The following PIN1 variants were observed in gnomAD, a reference collection of about 807,000 sequenced individuals.
The protein encoded by PIN1 is peptidylprolyl cis/trans isomerase, NIMA-interacting 1.
PIN1 carries 8 observed loss-of-function variants against 19.9 expected under a neutral mutation model. The observed-to-expected ratio is 0.40, with a 90% CI of 0.24 to 0.72. The LOEUF (loss-of-function observed/expected upper bound fraction) is 0.72, where lower values mean the gene tolerates loss of function less well. Ranked by LOEUF, PIN1 falls within the 30% of genes least tolerant of loss-of-function variation. The pLI is 0.37. For synonymous variants in PIN1, 86 were observed against 90.8 expected, an observed-to-expected ratio of 0.95 and a Z score of 0.30; for missense variants, 185 against 226.5, an observed-to-expected ratio of 0.82 and a Z score of 1.18.
chr19:9,847,635 C>T (rs2046232153), intron 2 of PIN1, among the ~76,000 whole-genome samples: 1 of 152,216 alleles, frequency 6.6e-6, no homozygotes, highest in Admixed American at 6.5e-5. Flanking sequence ...CAGCCTCTCC[C>T]TGCCTGCTGC....
chr19:9,846,282 C>T lies in PIN1; in HGVS notation c.272-1748C>T, dbSNP rs2046219437. Among the ~76,000 whole-genome samples, 1 of 151,988 alleles carries T rather than the reference C, an allele frequency of 6.6e-6. No individual in the cohort carries two copies. Among genetic ancestry groups the T allele is most frequent in the African/African-American group, 2.4e-5 (1 of 41,402 alleles). ...ACCAGGACACGTGGGCCGGCAGGGC[C>T]AAGGATAGGGAGAGCAGAGCAGTAG... On this transcript the variant is annotated intron_variant, in intron 2 of 3. Coordinates refer to ENST00000247970, the MANE Select transcript of PIN1 (RefSeq NM_006221.4). This position sits in a 1 kb window ranked among gnomAD's most constrained non-coding sequence, Gnocchi z 5.9.
At chr19:9,835,861 A>G (rs1196573991) in intron 1 of PIN1, 1 of 165,190 alleles carries the variant, frequency 6.1e-6, no homozygotes, top group African/African-American at 2.4e-5. Flanking sequence ...AGTCTGCGAC[A>G]TCGCCCGTGA....
rs1437336585 is a variant in PIN1 at position 9,838,753 on chromosome 19, T to A, written c.271+105T>A. 2 of 918,374 alleles carry A rather than the reference T, an allele frequency of 2.2e-6. No homozygotes were observed. Among genetic ancestry groups the A allele is most frequent in the Non-Finnish European group, 3.3e-6 (2 of 606,782 alleles). The allele number at this position is 918,374 out of a possible 1,614,324, so 56.9% of individuals were successfully genotyped here. A position where few individuals can be genotyped will look rare whatever the true frequency, so the allele number is the denominator to read the frequency against. ...CCCCAGCTTGCTCAGCTGCCAGGCG[T>A]GGTGTTGGCCAACACAAAAACGCCA... On this transcript the variant is annotated intron_variant, in intron 2 of 3. Coordinates refer to ENST00000247970, the MANE Select transcript of PIN1 (RefSeq NM_006221.4). This position sits in a 1 kb window ranked among gnomAD's most constrained non-coding sequence, Gnocchi z 5.8.
chr19:9,838,483 C>G lies in PIN1; in HGVS notation c.106C>G (p.Arg36Gly), dbSNP rs370116472. ...NHITNASQWERPSGNSSSGGK... is the reference protein window; with the variant it reads ...NHITNASQWEGPSGNSSSGGK... ...CATCACTAACGCCAGCCAGTGGGAG[C>G]GGCCCAGCGGCAACAGCAGCAGTGG... Residue 36 changes from arginine to glycine, a missense_variant, in exon 2 of 4, where the codon CGG (arginine) becomes GGG (glycine). Transcript: ENST00000247970. This position sits in a 1 kb window ranked among gnomAD's most constrained non-coding sequence, Gnocchi z 5.8. The G allele has an allele frequency of 2.5e-6, 4 of 1,608,968 alleles. No individual in the cohort carries two copies. In the Admixed American group the frequency reaches 6.8e-5, roughly 27 times the overall value.
At chr19:9,848,277 C>G in intron 3 of PIN1, 137 bp downstream of exon 3, 1 of 655,806 alleles carries the variant, frequency 1.5e-6, no homozygotes, top group South Asian at 1.7e-5. Flanking sequence ...CAGCCCCTTC[C>G]TCAGGCTTCA....
rs148922042 is a variant in PIN1 at position 9,843,867 on chromosome 19, G to T, written c.272-4163G>T. Reference sequence around the variant, plus strand: ...ATTCAAGACCAGCCTGGCCAACATGGTAAAACTCCATCTCTACTAAAAATA... The same window carrying T: ...ATTCAAGACCAGCCTGGCCAACATGTTAAAACTCCATCTCTACTAAAAATA... On this transcript the variant is annotated intron_variant, in intron 2 of 3. Transcript: ENST00000247970. 5.9e-5 allele frequency among the ~76,000 whole-genome samples: 9 copies of T among 152,122 alleles called. No individual in the cohort carries two copies. The East Asian group carries it at 1.7e-3, about 29-fold the overall frequency.
At chr19:9,847,327 C>T (rs1223076624) in intron 2 of PIN1, among the ~76,000 whole-genome samples, 1 of 152,184 alleles carries the variant, frequency 6.6e-6, no homozygotes, top group Non-Finnish European at 1.5e-5. Context: ...GAGTCAGAGC[C>T]GATGGGCTAG....
At chr19:9,844,697 C>T (rs541196619) in intron 2 of PIN1, among the ~76,000 whole-genome samples, 6 of 152,288 alleles carry the variant, frequency 3.9e-5, no homozygotes, top group Admixed American at 1.3e-4. Flanking sequence ...TTGGCGCCGT[C>T]GGGCAAGGCT....
chr19:9,838,161 T>C lies in PIN1; in HGVS notation c.59-275T>C, dbSNP rs1599448487. 1 of 509,690 alleles carries C rather than the reference T, an allele frequency of 2.0e-6. No homozygotes were observed. The highest frequency in any genetic ancestry group is 3.6e-5 in the East Asian group (1 of 28,016). The allele number at this position is 509,690 out of a possible 1,614,324, so 31.6% of individuals were successfully genotyped here. Reference sequence around the variant, plus strand: ...CATCACTCTGGGTTATTTTCCTCCTTGAAGTTATCAGGGATTGATACTATC... The same window carrying C: ...CATCACTCTGGGTTATTTTCCTCCTCGAAGTTATCAGGGATTGATACTATC... On this transcript the variant is annotated intron_variant, in intron 1 of 3. Coordinates refer to ENST00000247970, the MANE Select transcript of PIN1 (RefSeq NM_006221.4). This position sits in a 1 kb window ranked among gnomAD's most constrained non-coding sequence, Gnocchi z 5.8.
chr19:9,845,893 C>T (rs1327155890), intron 2 of PIN1, among the ~76,000 whole-genome samples: 1 of 152,164 alleles, frequency 6.6e-6, no homozygotes, highest in African/African-American at 2.4e-5. Context: ...CCTGGCTCCT[C>T]AGACGCTCAG....
chr19:9,835,471 T>G, intron 1 of PIN1, 69 bp downstream of exon 1: 1 of 1,131,700 alleles, frequency 8.8e-7, no homozygotes, highest in Non-Finnish European at 1.2e-6. Context: ...GCTCGCCCCT[T>G]GGGCGCGGCG....
chr19:9,843,109 C>G lies in PIN1; in HGVS notation c.271+4461C>G, dbSNP rs185196411. Among the ~76,000 whole-genome samples the G allele has an allele frequency of 4.6e-5, 7 of 152,364 alleles. No individual in the cohort carries two copies. The East Asian group carries it at 1.4e-3, about 29-fold the overall frequency. ...TGGGCCATGGAGAAGCCCTCCCTGC[C>G]CGCTCTCCACCCAGATCTGTTGACA... On this transcript the variant is annotated intron_variant, in intron 2 of 3. Coordinates refer to ENST00000247970, the MANE Select transcript of PIN1 (RefSeq NM_006221.4).
rs938160880 is a variant in PIN1 at position 9,838,187 on chromosome 19, C to T, written c.59-249C>T. 3.3e-5 allele frequency: 19 copies of T among 573,516 alleles called. No individual in the cohort carries two copies. In the South Asian group the frequency reaches 3.5e-4, roughly 11 times the overall value. 35.5% of individuals were successfully genotyped at this position (573,516 alleles called of 1,614,324 possible). A position where few individuals can be genotyped will look rare whatever the true frequency, so the allele number is the denominator to read the frequency against. On this transcript the variant is annotated intron_variant, in intron 1 of 3. Transcript: ENST00000247970. The surrounding 1 kb of genome is among the most constrained non-coding windows in gnomAD (Gnocchi z 5.8). ...GAAGTTATCAGGGATTGATACTATC[C>T]TGTGTTTCATTTGCTTGTTTAGCAC... is the stretch of plus-strand genomic sequence containing the variant.
Position 9,838,153 on chromosome 19 carries a change from T to C in PIN1, c.59-283T>C. 1 of 488,236 alleles carries C rather than the reference T, an allele frequency of 2.0e-6. No homozygotes were observed. The highest frequency in any genetic ancestry group is 3.8e-6 in the Non-Finnish European group (1 of 265,282). 30.2% of individuals were successfully genotyped at this position (488,236 alleles called of 1,614,324 possible). The stretch of plus-strand genomic sequence containing the variant: ...CTCTGTTCCATCACTCTGGGTTATT[T>C]TCCTCCTTGAAGTTATCAGGGATTG... On this transcript the variant is annotated intron_variant, in intron 1 of 3. Transcript: ENST00000247970. The surrounding 1 kb of genome is among the most constrained non-coding windows in gnomAD (Gnocchi z 5.8).
intron 1 of PIN1, chr19:9,836,880 G>A (rs1231081427): frequency 7.8e-7 from 1 of 1,282,812 alleles, no homozygotes; most frequent in Non-Finnish European, 1.0e-6. Flanking sequence ...CAAAAGGTGA[G>A]GTCTCCGTTT....
At chr19:9,840,184 C>T (rs909531242) in intron 2 of PIN1, among the ~76,000 whole-genome samples, 4 of 152,062 alleles carry the variant, frequency 2.6e-5, no homozygotes, top group African/African-American at 4.8e-5. Flanking sequence ...GTCAGGAGAT[C>T]GAGACCATCC....
chr19:9,843,629 G>A (rs1469906618), intron 2 of PIN1, among the ~76,000 whole-genome samples: 1 of 152,216 alleles, frequency 6.6e-6, no homozygotes, highest in Non-Finnish European at 1.5e-5. Flanking sequence ...CTCAGATTCT[G>A]TTCCTGGCGA....
At chr19:9,843,175 G>A (rs1202907204) in intron 2 of PIN1, among the ~76,000 whole-genome samples, 2 of 152,240 alleles carry the variant, frequency 1.3e-5, no homozygotes, top group African/African-American at 4.8e-5. Flanking sequence ...GTCCCAGCAA[G>A]GCTGAGACTA....
chr19:9,848,988 C>T (rs994744705), intron 3 of PIN1, 102 bp from the exon 4 acceptor site: 5 of 720,786 alleles, frequency 6.9e-6, no homozygotes, highest in African/African-American at 5.2e-5. Flanking sequence ...TGAGGCTCAG[C>T]GCAGGCAGGA....
Sources: allele counts gnomAD v4.1 joint callset (sites outside exome capture counted in the v4.1 genomes callset), GRCh38; gene constraint gnomAD v4.1.1; non-coding constraint Gnocchi (gnomAD v3.1); transcripts MANE v1.5; gene names NCBI Gene and HGNC (gene_info 2026-07-23, HGNC 2026-07-21).